Variants in FCHO2 observed in about 807,000 individuals in gnomAD.
FCHO2 encodes FCH and mu domain containing endocytic adaptor 2, also known as F-BAR domain only protein 2.
In FCHO2, 43 loss-of-function variants were observed where a neutral mutation model predicts 114.1. The ratio of observed to expected loss-of-function variants is 0.38; its 90% confidence interval spans 0.30 to 0.49. The LOEUF (loss-of-function observed/expected upper bound fraction) is 0.49. Ranked by LOEUF, FCHO2 falls within the 20% of genes least tolerant of loss-of-function variation. The probability of loss-of-function intolerance (pLI) is 0.97; values close to 1 mark genes in which losing one functional copy is unlikely to be tolerated. For missense variants in FCHO2, 807 were observed against 950.4 expected (o/e 0.85, Z 1.98); for synonymous variants, 293 against 315.2 (o/e 0.93, Z 0.75).
chr5:73,019,547 A>G (rs940889041), intron 8 of FCHO2, among the ~76,000 whole-genome samples: 4 of 152,222 alleles, frequency 2.6e-5, no homozygotes, highest in African/African-American at 9.7e-5. Context: ...TCTTAAAAAA[A>G]TAAAAAAGAA....
intron 11 of FCHO2, among the ~76,000 whole-genome samples, chr5:73,043,948 C>A (rs1580156537): frequency 1.3e-5 from 2 of 152,180 alleles, no homozygotes; most frequent in African/African-American, 4.8e-5. Context: ...AAATTGTAAT[C>A]CCCAGTGTTG....
In FCHO2 at chr5:73,006,565, CT is replaced by C; in HGVS notation, c.600+18del. 6.8e-7 allele frequency: 1 copy of C among 1,462,746 alleles called. No individual in the cohort carries two copies. Among genetic ancestry groups the C allele is most frequent in the Non-Finnish European group, 9.1e-7 (1 of 1,103,298 alleles). The allele number at this position is 1,462,746 out of a possible 1,614,324, so 90.6% of individuals were successfully genotyped here. On this transcript the variant is annotated intron_variant, in intron 6 of 25. Coordinates refer to ENST00000430046, the MANE Select transcript of FCHO2 (RefSeq NM_138782.3). ...AACAGCTCAGGTTGGTATTTTAAGG[CT>C]TCAGATTGAAAACAGGGCATTTATA... is the stretch of plus-strand genomic sequence containing the variant.
At chr5:73,031,247 TGCTCA>T (rs1756226681) in intron 8 of FCHO2, among the ~76,000 whole-genome samples, 1 of 152,230 alleles carries the variant, frequency 6.6e-6, no homozygotes, top group African/African-American at 2.4e-5. Flanking sequence ...ACTCTTTCCT[TGCTCA>T]TGCACACATG....
At chr5:72,959,759 T>TTC (rs928609626) in intron 1 of FCHO2, among the ~76,000 whole-genome samples, 10 of 152,048 alleles carry the variant, frequency 6.6e-5, no homozygotes, top group Admixed American at 5.9e-4. Context: ...TTGTCTTCTC[T>TTC]TCTCTCTCTT....
intron 17 of FCHO2, among the ~76,000 whole-genome samples, chr5:73,063,541 T>C (rs1757938827): frequency 6.6e-6 from 1 of 152,112 alleles, no homozygotes; most frequent in South Asian, 2.1e-4. Context: ...AATTGATTTG[T>C]TCTCATCAGC....
intron 2 of FCHO2, among the ~76,000 whole-genome samples, chr5:72,975,883 C>T (rs995590923): frequency 1.3e-5 from 2 of 152,162 alleles, no homozygotes; most frequent in African/African-American, 4.8e-5. Flanking sequence ...TACTCAGGGA[C>T]ATCTTGGTTG....
chr5:72,979,244 G>A (rs1374327873), intron 2 of FCHO2, among the ~76,000 whole-genome samples: 1 of 152,060 alleles, frequency 6.6e-6, no homozygotes, highest in Non-Finnish European at 1.5e-5. Context: ...CTTGTCCTGA[G>A]CTGTTTTTGG....
intron 25 of FCHO2, 46 bp from the exon 26 acceptor site, chr5:73,088,022 G>A: frequency 6.2e-7 from 1 of 1,610,744 alleles, no homozygotes; most frequent in Non-Finnish European, 8.5e-7. Context: ...TGTCCTTAGA[G>A]TGCATTTGAA....
intron 11 of FCHO2, among the ~76,000 whole-genome samples, chr5:73,049,215 G>T (rs1278407422): frequency 6.6e-6 from 1 of 152,110 alleles, no homozygotes; most frequent in African/African-American, 2.4e-5. Context: ...TTTCTTGGTA[G>T]TCTTTTATTT....
intron 11 of FCHO2, 23 bp from the exon 12 acceptor site, chr5:73,051,326 A>T (rs1201699060): frequency 1.6e-5 from 24 of 1,458,158 alleles, no homozygotes; most frequent in South Asian, 3.8e-5. Flanking sequence ...TGTCATTATA[A>T]TTTTTTTTTC....
intron 22 of FCHO2, among the ~76,000 whole-genome samples, chr5:73,080,932 G>A (rs980336407): frequency 3.3e-5 from 5 of 152,002 alleles, no homozygotes; most frequent in Non-Finnish European, 5.9e-5. Context: ...GCAATAAAAA[G>A]AAACCCCATC....
At chr5:72,966,249 G>T (rs961556607) in intron 1 of FCHO2, among the ~76,000 whole-genome samples, 1 of 152,104 alleles carries the variant, frequency 6.6e-6, no homozygotes, top group Admixed American at 6.6e-5. Context: ...TGCTATCCAG[G>T]TTTTTTATTT....
intron 18 of FCHO2, 107 bp from the exon 19 acceptor site, chr5:73,068,543 C>A: frequency 8.9e-7 from 1 of 1,122,876 alleles, no homozygotes; most frequent in African/African-American, 1.6e-5. Flanking sequence ...AAGAAACTCA[C>A]ACAGTAAATT....
At chr5:73,003,513 A>T (rs956807399) in intron 5 of FCHO2, among the ~76,000 whole-genome samples, 4 of 152,108 alleles carry the variant, frequency 2.6e-5, no homozygotes, top group African/African-American at 9.7e-5. Context: ...CACAGTCATT[A>T]TAATTAGGTA....
intron 6 of FCHO2, among the ~76,000 whole-genome samples, chr5:73,010,569 G>A (rs1754951332): frequency 1.3e-5 from 2 of 151,966 alleles, no homozygotes; most frequent in South Asian, 2.1e-4. Context: ...GTCATTGTGT[G>A]AACATCATAG....
intron 2 of FCHO2, among the ~76,000 whole-genome samples, chr5:72,978,521 G>A (rs1398844780): frequency 2.0e-5 from 3 of 152,054 alleles, no homozygotes; most frequent in South Asian, 4.1e-4. Context: ...GAGACGATGG[G>A]GTTTTCTAAA....
At chr5:73,013,147 A>G (rs1366309912) in intron 6 of FCHO2, among the ~76,000 whole-genome samples, 2 of 152,238 alleles carry the variant, frequency 1.3e-5, no homozygotes, top group African/African-American at 4.8e-5. Context: ...TGACTTGGTC[A>G]AAATTAATCA....
chr5:73,077,225 C>A, intron 20 of FCHO2, 113 bp from the exon 21 acceptor site: 1 of 823,678 alleles, frequency 1.2e-6, no homozygotes, highest in Non-Finnish European at 1.8e-6. Flanking sequence ...GATATACACA[C>A]ATATAGGTGC....
At chr5:73,082,096 TC>T in intron 23 of FCHO2, 114 bp downstream of exon 23, 1 of 882,038 alleles carries the variant, frequency 1.1e-6, no homozygotes, top group Non-Finnish European at 1.7e-6. Context: ...TGTGCCTTTT[TC>T]CATAGAAACC....
Sources: gnomAD v4.1 joint callset for allele counts (sites outside exome capture counted in the v4.1 genomes callset) on GRCh38, gnomAD v4.1.1 for gene constraint, MANE v1.5 for transcripts, NCBI Gene and HGNC (gene_info 2026-07-23, HGNC 2026-07-21) for gene names.